The following VWF variants were observed in gnomAD, a reference collection of about 807,000 sequenced individuals.
VWF encodes von Willebrand factor.
VWF carries 176 observed loss-of-function variants against 308.6 expected under a neutral mutation model. The observed-to-expected ratio is 0.57, with a 90% CI of 0.50 to 0.65. The LOEUF is 0.65. Ranked by LOEUF, VWF falls within the 30% of genes least tolerant of loss-of-function variation. VWF has a pLI of 0.00. For synonymous variants in VWF, 1,385 were observed against 1,443.4 expected, an observed-to-expected ratio of 0.96 and a Z score of 0.92; for missense variants, 3,146 against 3,648.2, an observed-to-expected ratio of 0.86 and a Z score of 3.55.
chr12:6,045,847 T>C (rs1944441900), intron 17 of VWF, among the ~76,000 whole-genome samples: 1 of 152,172 alleles, frequency 6.6e-6, no homozygotes, highest in Admixed American at 6.5e-5. Context: ...TGGAAGCAAA[T>C]AAGGGTGCTG....
chr12:6,064,790 G>A (rs1027783136), intron 11 of VWF, among the ~76,000 whole-genome samples: 4 of 152,178 alleles, frequency 2.6e-5, no homozygotes, highest in African/African-American at 9.7e-5. Flanking sequence ...CAGAAGAGAA[G>A]ACCAGCCCTC....
At chr12:5,992,759 G>A (rs976592719) in intron 37 of VWF, among the ~76,000 whole-genome samples, 4 of 152,196 alleles carry the variant, frequency 2.6e-5, no homozygotes, top group Non-Finnish European at 5.9e-5. Flanking sequence ...AGGCACCAAG[G>A]CAGGCAGGTG....
intron 6 of VWF, among the ~76,000 whole-genome samples, chr12:6,091,966 T>C (rs922040655): frequency 1.3e-5 from 2 of 152,140 alleles, no homozygotes; most frequent in African/African-American, 4.8e-5. Flanking sequence ...GCCCTACTGC[T>C]CTGCTGATGG....
At chr12:6,070,308 T>C (rs1256297888) in intron 10 of VWF, among the ~76,000 whole-genome samples, 1 of 152,202 alleles carries the variant, frequency 6.6e-6, no homozygotes, top group Non-Finnish European at 1.5e-5. Context: ...TTTCCCAGTG[T>C]AGAGGACACT....
At chr12:5,996,863 T>C (rs1452489307) in intron 34 of VWF, among the ~76,000 whole-genome samples, 1 of 151,738 alleles carries the variant, frequency 6.6e-6, no homozygotes, top group Non-Finnish European at 1.5e-5. Context: ...TATTGGTGAA[T>C]ACTGATCATT....
Position 6,052,802 on chromosome 12 carries a change from GT to G in VWF, c.1946-20del, listed in dbSNP as rs1944533666. 6.2e-7 allele frequency: 1 copy of G among 1,609,716 alleles called. No homozygotes were observed. Among genetic ancestry groups the G allele is most frequent in the Non-Finnish European group, 8.5e-7 (1 of 1,178,324 alleles). ...TTCAGCTCTAGAAGAGAGAGGAGAAGTAAGGCCTCAGCGGGAATGTTGGACA... is the reference window on the plus strand; with the variant it reads ...TTCAGCTCTAGAAGAGAGAGGAGAAGAAGGCCTCAGCGGGAATGTTGGACA... On this transcript the variant is annotated intron_variant, in intron 15 of 51. Coordinates refer to ENST00000261405, the MANE Select transcript of VWF (RefSeq NM_000552.5).
intron 3 of VWF, among the ~76,000 whole-genome samples, chr12:6,116,534 C>T (rs1160956231): frequency 1.3e-5 from 2 of 152,180 alleles, no homozygotes; most frequent in Non-Finnish European, 2.9e-5. Context: ...TAAGGCTCCC[C>T]GGGGGAAGTG....
intron 47 of VWF, among the ~76,000 whole-genome samples, chr12:5,966,733 A>G (rs553968443): frequency 6.6e-6 from 1 of 152,160 alleles, no homozygotes; most frequent in African/African-American, 2.4e-5. Flanking sequence ...TAGTTCATGC[A>G]TCTAGCTCAC....
intron 46 of VWF, 33 bp downstream of exon 46, chr12:5,968,094 C>T: frequency 6.2e-7 from 1 of 1,613,952 alleles, no homozygotes. Context: ...CCTGTCCCCA[C>T]CACTTGCTCT....
chr12:5,963,008 T>C (rs1943337320), intron 47 of VWF, among the ~76,000 whole-genome samples: 1 of 152,148 alleles, frequency 6.6e-6, no homozygotes, highest in African/African-American at 2.4e-5. Flanking sequence ...AAAGTAAAAC[T>C]AAACTATAAT....
chr12:6,028,496 G>A (rs1337962413), intron 22 of VWF, among the ~76,000 whole-genome samples: 2 of 152,136 alleles, frequency 1.3e-5, no homozygotes, highest in African/African-American at 4.8e-5. Flanking sequence ...AAAGTGTTAA[G>A]GGCAGCCAGA....
chr12:6,052,115 G>A (rs1227347815), intron 16 of VWF, among the ~76,000 whole-genome samples: 1 of 152,212 alleles, frequency 6.6e-6, no homozygotes, highest in Non-Finnish European at 1.5e-5. Flanking sequence ...GCATGAAGCA[G>A]GTCAGGGTAG....
intron 24 of VWF, among the ~76,000 whole-genome samples, chr12:6,025,326 A>G (rs34507028): frequency 0.28 from 43,335 of 152,188 alleles, 7,012 homozygotes; most frequent in African/African-American, 0.43. Flanking sequence ...AAAGAGAAGC[A>G]TTGGCACATG....
chr12:6,121,016 G>C (rs1437245138), intron 3 of VWF, among the ~76,000 whole-genome samples, 158 bp downstream of exon 3: 1 of 152,200 alleles, frequency 6.6e-6, no homozygotes, highest in Non-Finnish European at 1.5e-5. Context: ...GGAAAGCCAA[G>C]AGGGGCTACG....
chr12:5,986,297 C>T (rs1368392403), intron 38 of VWF, among the ~76,000 whole-genome samples: 1 of 152,156 alleles, frequency 6.6e-6, no homozygotes, highest in Non-Finnish European at 1.5e-5. Flanking sequence ...GTAAAATGAG[C>T]GTACTCAAGC....
At chr12:6,054,513 C>G (rs950330097) in intron 15 of VWF, among the ~76,000 whole-genome samples, 2 of 152,210 alleles carry the variant, frequency 1.3e-5, no homozygotes, top group African/African-American at 2.4e-5. Context: ...TCTCCTTTAG[C>G]CTTCTTCCCC....
intron 45 of VWF, 137 bp from the exon 46 acceptor site, chr12:5,968,304 C>T (rs1449341711): frequency 2.9e-6 from 3 of 1,043,542 alleles, no homozygotes; most frequent in Non-Finnish European, 1.4e-6. Flanking sequence ...CCCCCCACCC[C>T]ACAACCCAGC....
At chr12:6,057,311 A>ATTTTTCTTTTTTTT (rs1944591379) in intron 14 of VWF, among the ~76,000 whole-genome samples, 1 of 129,428 alleles carries the variant, frequency 7.7e-6, no homozygotes, top group Non-Finnish European at 1.6e-5. Context: ...GGACTATGGA[A>ATTTTTCTTTTTTTT]TTTTTTTTTT....
chr12:6,047,490 T>C (rs1944458747), intron 16 of VWF, among the ~76,000 whole-genome samples: 2 of 152,094 alleles, frequency 1.3e-5, no homozygotes, highest in African/African-American at 4.8e-5. Flanking sequence ...GCCACTGTCT[T>C]CTCCCTCATC....
Sources: gnomAD v4.1 joint callset for allele counts (sites outside exome capture counted in the v4.1 genomes callset) on GRCh38, gnomAD v4.1.1 for gene constraint, MANE v1.5 for transcripts, NCBI Gene and HGNC (gene_info 2026-07-23, HGNC 2026-07-21) for gene names.